GPR158: variants seen among roughly 807,000 people sequenced by gnomAD.
GPR158 encodes the protein metabotropic glycine receptor.
A neutral mutation model predicts 78.2 loss-of-function variants in GPR158; 30 were observed. The ratio of observed to expected loss-of-function variants is 0.38; its 90% CI spans 0.29 to 0.52. GPR158 has a LOEUF of 0.52. Among genes scored for constraint, GPR158 ranks in the 20% least tolerant of loss-of-function variants. The pLI is 0.83. For missense variants in GPR158, 1,463 were observed against 1,523.5 expected (o/e 0.96, Z 0.66); for synonymous variants, 581 against 591.1 (o/e 0.98, Z 0.25).
intron 6 of GPR158, among the ~76,000 whole-genome samples, chr10:25,568,272 C>G (rs980748288): frequency 6.6e-6 from 1 of 152,034 alleles, no homozygotes; most frequent in African/African-American, 2.4e-5. Flanking sequence ...AGATGGGGAG[C>G]CGTTGGAGTT....
intron 2 of GPR158, among the ~76,000 whole-genome samples, chr10:25,300,466 A>T (rs1854576315): frequency 2.0e-5 from 3 of 152,254 alleles, no homozygotes; most frequent in Admixed American, 2.0e-4. Flanking sequence ...ACTGAATTCC[A>T]TCTGCAGCCT....
intron 3 of GPR158, among the ~76,000 whole-genome samples, chr10:25,398,754 C>T (rs1012550006): frequency 4.6e-5 from 7 of 152,154 alleles, no homozygotes; most frequent in Non-Finnish European, 2.9e-5. Flanking sequence ...AAAGAGAGGC[C>T]ACTCTTTTCA....
At chr10:25,381,275 G>A (rs543604425) in intron 2 of GPR158, among the ~76,000 whole-genome samples, 42 of 152,272 alleles carry the variant, frequency 2.8e-4, no homozygotes, top group Non-Finnish European at 3.4e-4. Flanking sequence ...TTGTGTATTT[G>A]GCAACATCAG....
At chr10:25,508,967 G>A (rs1836048849) in intron 5 of GPR158, among the ~76,000 whole-genome samples, 1 of 152,148 alleles carries the variant, frequency 6.6e-6, no homozygotes, top group Non-Finnish European at 1.5e-5. Context: ...TCCTTCACAA[G>A]TAGCTACTAG....
At chr10:25,569,162 T>C (rs1216090748) in intron 6 of GPR158, among the ~76,000 whole-genome samples, 1 of 152,208 alleles carries the variant, frequency 6.6e-6, no homozygotes, top group East Asian at 1.9e-4. Context: ...GATTTTGCTT[T>C]GGTTTTGCTC....
intron 5 of GPR158, among the ~76,000 whole-genome samples, chr10:25,513,927 T>C (rs938837753): frequency 6.6e-6 from 1 of 152,168 alleles, no homozygotes; most frequent in African/African-American, 2.4e-5. Context: ...GGGACTTGTC[T>C]TGTGTCCTAT....
At chr10:25,503,966 C>T (rs1835977872) in intron 5 of GPR158, among the ~76,000 whole-genome samples, 1 of 151,518 alleles carries the variant, frequency 6.6e-6, no homozygotes, top group South Asian at 2.1e-4. Context: ...CCTTGGCTCA[C>T]TGCAATCTCT....
rs375635719 is a variant in GPR158 at position 25,419,072 on chromosome 10, T to C, written c.1335+6599T>C. Among the ~76,000 whole-genome samples the C allele has an allele frequency of 1.1e-4, 17 of 152,220 alleles. No homozygotes were observed. In the East Asian group the frequency reaches 1.2e-3, roughly 10 times the overall value. On this transcript the variant is annotated intron_variant, in intron 4 of 10. Coordinates refer to ENST00000376351, the MANE Select transcript of GPR158 (RefSeq NM_020752.3). ...TAAAGTTAGGTATGTCATATTTTTA[T>C]TTTAGTAAAATTTTTATTGTTCATT...
chr10:25,558,037 A>G (rs966264670), intron 6 of GPR158, among the ~76,000 whole-genome samples: 13 of 152,198 alleles, frequency 8.5e-5, no homozygotes, highest in Admixed American at 7.9e-4. Context: ...TTCAATCTGG[A>G]GCTTCTCTTT....
At position 25,315,083 on chromosome 10, in the gene GPR158, C is replaced by T. The variant is rs186047114; in HGVS notation, c.1009-80828C>T. ...ATTTTGTGAATGTTTCATGTGCACT[C>T]GAGATGAAAGTGAGTTATATAGCTC... On this transcript the variant is annotated intron_variant, in intron 2 of 10. Coordinates refer to ENST00000376351, the MANE Select transcript of GPR158 (RefSeq NM_020752.3). Among the ~76,000 whole-genome samples, 17 of 151,534 alleles carry T rather than the reference C, an allele frequency of 1.1e-4. No individual in the cohort carries two copies. The South Asian group carries it at 1.7e-3, about 15-fold the overall frequency.
chr10:25,556,786 G>A (rs1331845955), intron 6 of GPR158, among the ~76,000 whole-genome samples: 1 of 152,188 alleles, frequency 6.6e-6, no homozygotes, highest in African/African-American at 2.4e-5. Context: ...AGATATACCA[G>A]TAGAACAGCC....
chr10:25,309,724 G>T (rs750283186), intron 2 of GPR158, among the ~76,000 whole-genome samples: 11 of 152,064 alleles, frequency 7.2e-5, no homozygotes, highest in Non-Finnish European at 1.3e-4. Context: ...TGCTTCTCAG[G>T]ATAGTGAATA....
At chr10:25,381,322 TG>T (rs1271468270) in intron 2 of GPR158, among the ~76,000 whole-genome samples, 7 of 100,938 alleles carry the variant, frequency 6.9e-5, no homozygotes, top group African/African-American at 2.4e-4. Flanking sequence ...CAAATTGCTC[TG>T]GTTTGATGAG....
At chr10:25,441,626 C>T (rs1245858608) in intron 4 of GPR158, among the ~76,000 whole-genome samples, 2 of 152,160 alleles carry the variant, frequency 1.3e-5, no homozygotes, top group Non-Finnish European at 2.9e-5. Context: ...GAGTTTCTTG[C>T]AATAGGGTCT....
chr10:25,348,555 A>G (rs1855407320), intron 2 of GPR158, among the ~76,000 whole-genome samples: 1 of 151,976 alleles, frequency 6.6e-6, no homozygotes, highest in Non-Finnish European at 1.5e-5. Flanking sequence ...AGTTAACAGG[A>G]TGGGGAGGGG....
chr10:25,394,145 C>T (rs765529558), intron 2 of GPR158, among the ~76,000 whole-genome samples: 4 of 152,204 alleles, frequency 2.6e-5, no homozygotes, highest in Non-Finnish European at 5.9e-5. Context: ...GCCAAAAACG[C>T]TGGAGTCATC....
At chr10:25,292,282 G>A (rs1239120337) in intron 2 of GPR158, among the ~76,000 whole-genome samples, 2 of 152,024 alleles carry the variant, frequency 1.3e-5, no homozygotes, top group African/African-American at 2.4e-5. Flanking sequence ...CATTTTTAAT[G>A]AATCAGTTTT....
At chr10:25,319,099 T>C (rs539393498) in intron 2 of GPR158, among the ~76,000 whole-genome samples, 5 of 152,316 alleles carry the variant, frequency 3.3e-5, no homozygotes, top group African/African-American at 1.2e-4. Flanking sequence ...AAGCTGTATA[T>C]AGTTCTCTTT....
chr10:25,533,398 A>G (rs1161732063), intron 5 of GPR158, among the ~76,000 whole-genome samples: 2 of 152,150 alleles, frequency 1.3e-5, no homozygotes, highest in Non-Finnish European at 2.9e-5. Context: ...ACTTATATAT[A>G]TTTTAAACCA....
Sources: allele counts gnomAD v4.1 joint callset (sites outside exome capture counted in the v4.1 genomes callset), GRCh38; gene constraint gnomAD v4.1.1; transcripts MANE v1.5; gene names NCBI Gene and HGNC (gene_info 2026-07-23, HGNC 2026-07-21).